Variants in EPYC observed in about 807,000 individuals in gnomAD.
EPYC encodes the protein dermatan sulfate proteoglycan 3.
Under a neutral mutation model 30.1 loss-of-function variants are expected in EPYC, and 28 were observed. That is an observed-to-expected ratio of 0.93 (90% CI 0.69 to 1.28). The LOEUF is 1.28. Ranked by LOEUF, EPYC falls within the 50% of genes most tolerant of loss-of-function variation. EPYC has a pLI of 0.00. For synonymous variants in EPYC, 144 were observed against 141.4 expected (o/e 1.02, Z -0.13); for missense variants, 382 against 383.5 (o/e 1.00, Z 0.03).
intron 2 of EPYC, among the ~76,000 whole-genome samples, chr12:90,986,317 G>A (rs7312814): frequency 0.068 from 10,391 of 152,100 alleles, 613 homozygotes; most frequent in South Asian, 0.2. Flanking sequence ...ACAGGATATT[G>A]TTAGACATTT....
intron 2 of EPYC, among the ~76,000 whole-genome samples, chr12:90,989,100 A>T (rs917881112): frequency 2.6e-5 from 4 of 152,122 alleles, no homozygotes; most frequent in Admixed American, 2.6e-4. Context: ...TGTAGTTTGC[A>T]AACCTCCTAT....
chr12:90,982,367 C>T (rs73371236), intron 2 of EPYC, among the ~76,000 whole-genome samples: 104 of 152,078 alleles, frequency 6.8e-4, no homozygotes, highest in South Asian at 3.7e-3. Flanking sequence ...TTGACAGTTA[C>T]GCAACTATCA....
At chr12:90,972,257 T>A (rs1877071324) in intron 4 of EPYC, among the ~76,000 whole-genome samples, 2 of 152,218 alleles carry the variant, frequency 1.3e-5, no homozygotes, top group African/African-American at 2.4e-5. Context: ...TTCATAAAGT[T>A]TGTCTGGATT....
At position 90,964,182 on chromosome 12, in the gene EPYC, G is replaced by A. The variant is rs148834797; in HGVS notation, c.943C>T (p.Arg315Cys). 6.4e-5 allele frequency: 103 copies of A among 1,612,260 alleles called. No homozygotes were observed. Among genetic ancestry groups the A allele is most frequent in the Non-Finnish European group, 7.9e-5 (93 of 1,178,888 alleles). Residue 315 changes from arginine to cysteine, a missense_variant, in exon 7 of 7, where the codon CGT becomes TGT. Arg to Cys is a radical substitution (Grantham distance 180). Coordinates refer to ENST00000261172, the MANE Select transcript of EPYC (RefSeq NM_004950.5). ...TAGACAAGGCTCCCAACAGGCAGAC[G>A]AGGTAGACACATGTATGCTTGAGGA... ...KTPQAYMCLP[R>C]LPVGSLV
chr12:90,967,962 C>G (rs1876940673), intron 6 of EPYC, among the ~76,000 whole-genome samples: 1 of 151,810 alleles, frequency 6.6e-6, no homozygotes, highest in Non-Finnish European at 1.5e-5. Flanking sequence ...AGAGCAAGAC[C>G]CTTTCTATAA....
chr12:90,988,670 T>C (rs190569830), intron 2 of EPYC, among the ~76,000 whole-genome samples: 49 of 152,260 alleles, frequency 3.2e-4, no homozygotes, highest in African/African-American at 1.1e-3. Flanking sequence ...GTTGAAAATG[T>C]CTATATTATG....
In EPYC at chr12:90,964,101, G is replaced by T; in HGVS notation, c.*55C>A. On this transcript the variant is annotated 3_prime_UTR_variant, in exon 7 of 7. Transcript: ENST00000261172. ...ATGCTGAGTTTTGTTTTGGAAGAGA[G>T]CAGTAAGAATGGTTTATTTATAGTA... 1.4e-6 allele frequency: 2 copies of T among 1,457,706 alleles called. No individual in the cohort carries two copies. Among genetic ancestry groups the T allele is most frequent in the Admixed American group, 3.6e-5 (2 of 55,582 alleles). 90.3% of individuals were successfully genotyped at this position (1,457,706 alleles called of 1,614,324 possible). A position where few individuals can be genotyped will look rare whatever the true frequency, so the allele number is the denominator to read the frequency against.
In EPYC at chr12:90,965,743, C is replaced by T. The variant is rs557034475; in HGVS notation, c.799-1417G>A. On this transcript the variant is annotated intron_variant, in intron 6 of 6. Coordinates refer to ENST00000261172, the MANE Select transcript of EPYC (RefSeq NM_004950.5). ...ATTTGGGGACCATTTCCACCTTAGT[C>T]GTAAGTCTTCTGATTCATGAATATG... 3.4e-4 allele frequency among the ~76,000 whole-genome samples: 51 copies of T among 152,060 alleles called. 1 individual carries two copies. The South Asian group carries it at 7.1e-3, about 21-fold the overall frequency.
intron 2 of EPYC, among the ~76,000 whole-genome samples, chr12:90,982,868 T>C (rs544785810): frequency 1.3e-5 from 2 of 152,276 alleles, no homozygotes; most frequent in African/African-American, 4.8e-5. Flanking sequence ...ATATACCACA[T>C]TGTATTTATC....
chr12:90,974,430 G>T (rs1231726666), intron 3 of EPYC, among the ~76,000 whole-genome samples: 1 of 152,066 alleles, frequency 6.6e-6, no homozygotes, highest in African/African-American at 2.4e-5. Flanking sequence ...AATGCTGAGA[G>T]GTTTGTGAAG....
At chr12:90,967,892 C>T (rs555397743) in intron 6 of EPYC, among the ~76,000 whole-genome samples, 1 of 152,146 alleles carries the variant, frequency 6.6e-6, no homozygotes, top group Admixed American at 6.5e-5. Flanking sequence ...ATTGCTTGAG[C>T]CCAGGTGTTT....
At chr12:90,981,404 A>G (rs1877322019) in intron 2 of EPYC, among the ~76,000 whole-genome samples, 1 of 152,174 alleles carries the variant, frequency 6.6e-6, no homozygotes, top group East Asian at 1.9e-4. Context: ...ATCAGATTGA[A>G]CTGGGACTTT....
At chr12:90,986,657 CT>C (rs1877455074) in intron 2 of EPYC, among the ~76,000 whole-genome samples, 1 of 152,150 alleles carries the variant, frequency 6.6e-6, no homozygotes, top group Non-Finnish European at 1.5e-5. Flanking sequence ...GGGAAAGCCA[CT>C]TCAGCTGAGG....
chr12:90,971,958 T>C lies in EPYC; in HGVS notation c.544A>G (p.Ile182Val), dbSNP rs1354807301. 1 of 1,607,416 alleles carries C rather than the reference T, an allele frequency of 6.2e-7. No homozygotes were observed. The highest frequency in any genetic ancestry group is 1.3e-5 in the African/African-American group (1 of 74,932). Residue 182 changes from isoleucine (I) to valine (V), a missense_variant, in exon 5 of 7, where the codon ATT (isoleucine) becomes GTT (valine). Coordinates refer to ENST00000261172, the MANE Select transcript of EPYC (RefSeq NM_004950.5). ...IDLTSNLISE[I>V]DEDAFRKLPQ... ...AGTTTTCGGAATGCATCTTCATCAA[T>C]CTCAGATATTAAATTTGATGTCAGA...
At chr12:90,986,947 C>T (rs973006708) in intron 2 of EPYC, among the ~76,000 whole-genome samples, 1 of 152,092 alleles carries the variant, frequency 6.6e-6, no homozygotes, top group Non-Finnish European at 1.5e-5. Flanking sequence ...AGCTGCTACT[C>T]CAGTATGCCT....
rs148775724 is a variant in EPYC, at chr12:90,986,354, G to A, written c.166-8092C>T. Among the ~76,000 whole-genome samples the A allele has an allele frequency of 7.3e-3, 1,111 of 152,232 alleles. 13 individuals carry two copies. Among genetic ancestry groups the A allele is most frequent in the African/African-American group, 0.026 (1,076 of 41,530 alleles). On this transcript the variant is annotated intron_variant, in intron 2 of 6. Coordinates refer to ENST00000261172, the MANE Select transcript of EPYC (RefSeq NM_004950.5). ...AAAGCTCAAGGCTTAGTAAGAAAAT[G>A]CAGCAGTCCCTGCAACACCCCAATT...
chr12:90,977,004 C>T (rs558008918), intron 3 of EPYC, among the ~76,000 whole-genome samples: 1 of 152,208 alleles, frequency 6.6e-6, no homozygotes, highest in African/African-American at 2.4e-5. Flanking sequence ...ATTACCCAAT[C>T]TTGGGTATGT....
At chr12:90,979,751 T>G (rs1260966778) in intron 2 of EPYC, among the ~76,000 whole-genome samples, 1 of 152,156 alleles carries the variant, frequency 6.6e-6, no homozygotes, top group Non-Finnish European at 1.5e-5. Flanking sequence ...GTCTTTTATC[T>G]GTGTACCTCT....
intron 2 of EPYC, among the ~76,000 whole-genome samples, chr12:90,986,594 A>G (rs758539495): frequency 2.0e-5 from 3 of 152,086 alleles, no homozygotes; most frequent in Non-Finnish European, 4.4e-5. Context: ...TAACCATATA[A>G]ACAAGCTGGG....
Sources: allele counts gnomAD v4.1 joint callset (sites outside exome capture counted in the v4.1 genomes callset), GRCh38; gene constraint gnomAD v4.1.1; transcripts MANE v1.5; gene names NCBI Gene and HGNC (gene_info 2026-07-23, HGNC 2026-07-21).